Variants in TM2D1 observed in about 807,000 individuals in gnomAD.
The protein encoded by TM2D1 is TM2 domain containing 1.
Under a neutral mutation model 28.4 loss-of-function variants are expected in TM2D1, and 15 were observed. The ratio of observed to expected loss-of-function variants is 0.53; its 90% CI spans 0.35 to 0.81. TM2D1 has a LOEUF of 0.81. Ranked by LOEUF, TM2D1 falls within the 40% of genes least tolerant of loss-of-function variation. The probability of loss-of-function intolerance (pLI) is 0.01; values close to 1 mark genes in which losing one functional copy is unlikely to be tolerated. For synonymous variants in TM2D1, 93 were observed against 96.2 expected, an observed-to-expected ratio of 0.97 and a Z score of 0.20; for missense variants, 236 against 254.9, an observed-to-expected ratio of 0.93 and a Z score of 0.50.
chr1:61,723,728 T>G lies in TM2D1; in HGVS notation c.223A>C (p.Asn75His), dbSNP rs759237132. ...GAAGTCTTACCATGAGCTGTGTAGT[T>G]TGTACAGTTAACTGGTTCTTGCGTA... ...DATQEPVNCT[N>H]YTAHVSCFPA... The change falls in exon 2 of 7, where the codon AAC becomes CAC. Residue 75 changes from asparagine (N) to histidine (H), a missense_variant. This residue lies in a region of TM2D1 where 167 missense variants were observed against 162.7 expected (regional missense o/e 1.03). Coordinates refer to ENST00000606498, the MANE Select transcript of TM2D1 (RefSeq NM_032027.3). 1 of 1,555,634 alleles carries G rather than the reference T, an allele frequency of 6.4e-7. No homozygotes were observed.
chr1:61,687,097 A>C (rs1402275872), intron 5 of TM2D1, among the ~76,000 whole-genome samples: 2 of 152,026 alleles, frequency 1.3e-5, no homozygotes, highest in African/African-American at 4.8e-5. Flanking sequence ...TAATCCCAGC[A>C]CTTAGGGAGG....
chr1:61,710,642 T>C (rs995155083), intron 2 of TM2D1, among the ~76,000 whole-genome samples: 2 of 151,726 alleles, frequency 1.3e-5, no homozygotes, highest in African/African-American at 2.4e-5. Context: ...TGAAAAGTAC[T>C]AATACTTTTA....
intron 5 of TM2D1, among the ~76,000 whole-genome samples, chr1:61,691,789 C>T (rs1056280627): frequency 1.3e-5 from 2 of 150,450 alleles, no homozygotes; most frequent in African/African-American, 4.9e-5. Context: ...GTGGTGTGTG[C>T]CTGTAATCCC....
At chr1:61,705,374 C>T (rs899604041) in intron 3 of TM2D1, among the ~76,000 whole-genome samples, 1 of 151,980 alleles carries the variant, frequency 6.6e-6, no homozygotes. Context: ...TTAGTAGAAA[C>T]GGGGTTTTAC....
intron 3 of TM2D1, among the ~76,000 whole-genome samples, chr1:61,702,234 A>C (rs1644407068): frequency 6.6e-6 from 1 of 152,034 alleles, no homozygotes. Context: ...GTTTCTGCTT[A>C]AGAAACTGGG....
chr1:61,710,353 G>C (rs1644468122), intron 2 of TM2D1, among the ~76,000 whole-genome samples: 1 of 147,884 alleles, frequency 6.8e-6, no homozygotes, highest in Admixed American at 6.9e-5. Context: ...TTGGGCCTGA[G>C]AGGCAGACAT....
At chr1:61,686,589 C>T (rs1644287252) in intron 5 of TM2D1, among the ~76,000 whole-genome samples, 1 of 152,058 alleles carries the variant, frequency 6.6e-6, no homozygotes, top group Non-Finnish European at 1.5e-5. Flanking sequence ...TTGCTTGAAC[C>T]AAGGAGGCAG....
intron 5 of TM2D1, among the ~76,000 whole-genome samples, chr1:61,684,643 C>T (rs1644270406): frequency 6.7e-6 from 1 of 149,548 alleles, no homozygotes; most frequent in Admixed American, 6.8e-5. Flanking sequence ...TAATTTGCAA[C>T]ATGTTTATGC....
intron 3 of TM2D1, 67 bp downstream of exon 3, chr1:61,709,262 T>C: frequency 1.0e-6 from 1 of 961,172 alleles, no homozygotes; most frequent in Admixed American, 2.1e-5. Context: ...TTATCTCCTC[T>C]CTTCATGCAA....
At chr1:61,693,969 A>G (rs1227128372) in intron 5 of TM2D1, among the ~76,000 whole-genome samples, 1 of 152,214 alleles carries the variant, frequency 6.6e-6, no homozygotes. Flanking sequence ...GCACTTTTAA[A>G]TGTTTAAGGA....
intron 5 of TM2D1, among the ~76,000 whole-genome samples, chr1:61,693,274 T>C (rs1478584743): frequency 6.6e-6 from 1 of 152,098 alleles, no homozygotes; most frequent in African/African-American, 2.4e-5. Flanking sequence ...CAGGTATAAA[T>C]GAATCAGAAA....
chr1:61,692,182 A>T (rs1389203526), intron 5 of TM2D1, among the ~76,000 whole-genome samples: 1 of 151,642 alleles, frequency 6.6e-6, no homozygotes, highest in African/African-American at 2.4e-5. Context: ...TTTTAGGAAC[A>T]AAAGATAGAA....
At chr1:61,686,358 T>A (rs1238810781) in intron 5 of TM2D1, among the ~76,000 whole-genome samples, 1 of 152,116 alleles carries the variant, frequency 6.6e-6, no homozygotes, top group Admixed American at 6.6e-5. Context: ...TAGATCCACA[T>A]TCCTTTGCCA....
At chr1:61,706,024 T>A (rs1644437906) in intron 3 of TM2D1, among the ~76,000 whole-genome samples, 1 of 152,182 alleles carries the variant, frequency 6.6e-6, no homozygotes. Context: ...ACCTAATGAG[T>A]AAGAATGTAT....
chr1:61,685,445 T>C (rs776864550), intron 5 of TM2D1, among the ~76,000 whole-genome samples: 1 of 152,252 alleles, frequency 6.6e-6, no homozygotes, highest in African/African-American at 2.4e-5. Flanking sequence ...TTGAAGGACA[T>C]TGCTATAAAG....
chr1:61,696,948 GGAAT>G (rs1173637172), intron 4 of TM2D1, among the ~76,000 whole-genome samples: 1 of 151,642 alleles, frequency 6.6e-6, no homozygotes, highest in Non-Finnish European at 1.5e-5. Flanking sequence ...ATACCTCTCA[GGAAT>G]GAATGAAGTT....
intron 2 of TM2D1, among the ~76,000 whole-genome samples, chr1:61,719,253 T>C (rs1201357483): frequency 2.0e-5 from 3 of 152,058 alleles, no homozygotes; most frequent in South Asian, 2.1e-4. Flanking sequence ...TTTCACCACA[T>C]AGCCCAGGCT....
chr1:61,691,933 ATATATATATATAT>A (rs1306077559), intron 5 of TM2D1, among the ~76,000 whole-genome samples: 5 of 83,026 alleles, frequency 6.0e-5, no homozygotes, highest in Non-Finnish European at 1.3e-4. Context: ...AAAAAAAAAA[ATATATATATATAT>A]ATATATATAT....
At chr1:61,684,454 G>A (rs1227493998) in intron 5 of TM2D1, among the ~76,000 whole-genome samples, 1 of 152,068 alleles carries the variant, frequency 6.6e-6, no homozygotes, top group Non-Finnish European at 1.5e-5. Context: ...AGGATACCCC[G>A]AGTCTTATGA....
Sources: gnomAD v4.1 joint callset for allele counts (sites outside exome capture counted in the v4.1 genomes callset) on GRCh38, gnomAD v4.1.1 for gene constraint, gnomAD v4.1.1 regional missense constraint, MANE v1.5 for transcripts, NCBI Gene and HGNC (gene_info 2026-07-23, HGNC 2026-07-21) for gene names.